The following COL25A1 variants were observed in gnomAD, a reference collection of about 807,000 sequenced individuals.
COL25A1 encodes collagen alpha-1(XXV) chain.
Under a neutral mutation model 128.4 loss-of-function variants are expected in COL25A1, and 103 were observed. The ratio of observed to expected loss-of-function variants is 0.80; its 90% CI spans 0.68 to 0.94. The LOEUF (loss-of-function observed/expected upper bound fraction) is 0.94. Ranked by LOEUF, COL25A1 falls within the 40% of genes least tolerant of loss-of-function variation. The pLI is 0.00. For synonymous variants in COL25A1, 279 were observed against 277.2 expected (o/e 1.01, Z -0.06); for missense variants, 745 against 840.0 (o/e 0.89, Z 1.40).
chr4:109,286,341 C>A (rs1034387698), intron 3 of COL25A1, among the ~76,000 whole-genome samples: 1 of 152,000 alleles, frequency 6.6e-6, no homozygotes, highest in Non-Finnish European at 1.5e-5. Context: ...CATAAGGCAA[C>A]AGAAGCAGCT....
intron 3 of COL25A1, among the ~76,000 whole-genome samples, chr4:109,182,119 T>C (rs1774710462): frequency 1.3e-5 from 2 of 152,154 alleles, no homozygotes; most frequent in African/African-American, 4.8e-5. Context: ...CTTAAGTTGA[T>C]TCCATATTTT....
intron 37 of COL25A1, among the ~76,000 whole-genome samples, chr4:108,816,640 C>T (rs1209363120): frequency 6.6e-6 from 1 of 152,128 alleles, no homozygotes; most frequent in Admixed American, 6.6e-5. Flanking sequence ...CTCTCTCTCC[C>T]TCTCCTAGTT....
chr4:109,167,958 A>C (rs543173132), intron 3 of COL25A1, among the ~76,000 whole-genome samples: 1 of 152,226 alleles, frequency 6.6e-6, no homozygotes, highest in Admixed American at 6.5e-5. Flanking sequence ...GCCTCCATTC[A>C]TGTATTTCCT....
At chr4:109,220,331 C>T (rs930708780) in intron 3 of COL25A1, among the ~76,000 whole-genome samples, 1 of 152,162 alleles carries the variant, frequency 6.6e-6, no homozygotes, top group African/African-American at 2.4e-5. Flanking sequence ...ACATCCATTT[C>T]GCTTCAGGTA....
chr4:109,293,458 G>C (rs1054512669), intron 3 of COL25A1, among the ~76,000 whole-genome samples: 12 of 152,020 alleles, frequency 7.9e-5, no homozygotes, highest in African/African-American at 2.4e-4. Flanking sequence ...GACAGATTCT[G>C]ACTCTCAATA....
At chr4:108,946,284 T>C (rs912810691) in intron 8 of COL25A1, among the ~76,000 whole-genome samples, 5 of 152,202 alleles carry the variant, frequency 3.3e-5, no homozygotes, top group Non-Finnish European at 5.9e-5. Context: ...TTAGAGGCCA[T>C]ACATTCAAGG....
At position 108,837,506 on chromosome 4, in the gene COL25A1, A is replaced by C. The variant is rs931416647; in HGVS notation, c.1656+4189T>G. Among the ~76,000 whole-genome samples the C allele has an allele frequency of 3.3e-5, 5 of 152,202 alleles. No individual in the cohort carries two copies. In the East Asian group the frequency reaches 9.6e-4, roughly 29 times the overall value. Reference sequence around the variant, plus strand: ...AGATTCCTTCTTCATTAAAAATAAAAATCTCTAAACAACTGCAAAATACTT... The same window carrying C: ...AGATTCCTTCTTCATTAAAAATAAACATCTCTAAACAACTGCAAAATACTT... On this transcript the variant is annotated intron_variant, in intron 31 of 37. Coordinates refer to ENST00000399132, the MANE Select transcript of COL25A1 (RefSeq NM_198721.4).
chr4:109,009,385 AAAG>A (rs1756359783), intron 6 of COL25A1, among the ~76,000 whole-genome samples: 1 of 152,224 alleles, frequency 6.6e-6, no homozygotes, highest in Admixed American at 6.5e-5. Flanking sequence ...CTTGGTGTGA[AAAG>A]AACTTGTTTA....
At chr4:108,882,952 T>C (rs1303621801) in intron 19 of COL25A1, among the ~76,000 whole-genome samples, 1 of 152,058 alleles carries the variant, frequency 6.6e-6, no homozygotes, top group African/African-American at 2.4e-5. Flanking sequence ...ATCCTAAAAA[T>C]CATATTATTT....
At chr4:108,871,042 G>C (rs1328791755) in intron 19 of COL25A1, among the ~76,000 whole-genome samples, 1 of 152,180 alleles carries the variant, frequency 6.6e-6, no homozygotes, top group East Asian at 1.9e-4. Context: ...TTTATAAAAA[G>C]ATGAACCATG....
chr4:108,851,750 A>G (rs1735801859), intron 26 of COL25A1, among the ~76,000 whole-genome samples: 3 of 152,204 alleles, frequency 2.0e-5, no homozygotes, highest in Admixed American at 1.3e-4. Context: ...GTCTGAAAGT[A>G]TATAATAAAG....
rs568194594 is a variant in COL25A1, at chr4:108,905,902, G to A, written c.781-4730C>T. ...AGAGACTAGAAGCAAGCTCTGGCTC[G>A]GGACAGAGTGGCTTTTGGAGGGTCC... On this transcript the variant is annotated intron_variant, in intron 13 of 37. Transcript: ENST00000399132. Among the ~76,000 whole-genome samples the A allele has an allele frequency of 6.6e-5, 10 of 152,018 alleles. No individual in the cohort carries two copies. The South Asian group carries it at 8.3e-4, about 13-fold the overall frequency.
intron 8 of COL25A1, among the ~76,000 whole-genome samples, chr4:108,972,257 T>C (rs1441828503): frequency 6.6e-6 from 1 of 152,170 alleles, no homozygotes; most frequent in Non-Finnish European, 1.5e-5. Flanking sequence ...GGACAGGGTA[T>C]TGGAATACAA....
At chr4:109,162,163 A>C (rs906790132) in intron 3 of COL25A1, among the ~76,000 whole-genome samples, 1 of 152,238 alleles carries the variant, frequency 6.6e-6, no homozygotes, top group African/African-American at 2.4e-5. Flanking sequence ...AACAGGGGAA[A>C]TATATCAGGA....
chr4:108,927,865 C>T (rs1218147060), intron 11 of COL25A1, among the ~76,000 whole-genome samples: 2 of 151,902 alleles, frequency 1.3e-5, no homozygotes, highest in Non-Finnish European at 2.9e-5. Flanking sequence ...AACCAGAACC[C>T]AAGACTAAAT....
chr4:108,931,255 G>A (rs981322324), intron 11 of COL25A1, among the ~76,000 whole-genome samples: 1 of 152,132 alleles, frequency 6.6e-6, no homozygotes, highest in African/African-American at 2.4e-5. Context: ...GTAGGATGAC[G>A]GGACTTTAGA....
chr4:108,843,646 A>C (rs1045598389), intron 30 of COL25A1, among the ~76,000 whole-genome samples: 1 of 152,214 alleles, frequency 6.6e-6, no homozygotes, highest in African/African-American at 2.4e-5. Context: ...CAATGAATCA[A>C]TCAAAGTATC....
intron 31 of COL25A1, chr4:108,834,218 G>T (rs998527798): frequency 2.3e-6 from 2 of 869,886 alleles, no homozygotes; most frequent in Non-Finnish European, 3.6e-6. Context: ...CGCCATCTTT[G>T]TCCACCTTCC....
At chr4:109,179,754 T>C (rs1774450178) in intron 3 of COL25A1, among the ~76,000 whole-genome samples, 1 of 152,206 alleles carries the variant, frequency 6.6e-6, no homozygotes, top group Non-Finnish European at 1.5e-5. Context: ...TTACTAGAAG[T>C]GTTCATCAAA....
Sources: gnomAD v4.1 joint callset for allele counts (sites outside exome capture counted in the v4.1 genomes callset) on GRCh38, gnomAD v4.1.1 for gene constraint, MANE v1.5 for transcripts, NCBI Gene and HGNC (gene_info 2026-07-23, HGNC 2026-07-21) for gene names.